ARHGAP36: variants seen among roughly 807,000 people sequenced by gnomAD.
ARHGAP36 encodes the protein rho GTPase-activating protein 36.
Under a neutral mutation model 32.9 loss-of-function variants are expected in ARHGAP36, and 7 were observed. The observed-to-expected ratio is 0.21, with a 90% CI of 0.12 to 0.40. The LOEUF is 0.40. ARHGAP36 is among the 10% of genes least tolerant of loss of function. The pLI is 1.00. For synonymous variants in ARHGAP36, 165 were observed against 168.3 expected, an observed-to-expected ratio of 0.98 and a Z score of 0.15; for missense variants, 383 against 442.2, an observed-to-expected ratio of 0.87 and a Z score of 1.20.
Position 131,085,904 on chromosome X carries a change from T to C in ARHGAP36, c.1105-9T>C, listed in dbSNP as rs375462552. 119 of 1,208,182 alleles carry C rather than the reference T, an allele frequency of 9.8e-5. No individual in the cohort carries two copies. The highest frequency in any genetic ancestry group is 1.3e-4 in the Non-Finnish European group (115 of 894,160). ...CAGCGTCAATCACTTTCTGCTTTCC[T>C]TTGCCTAGGTCCCAGGCAACCGTAT... On this transcript the variant is annotated splice_polypyrimidine_tract_variant and intron_variant, in intron 8 of 11. Transcript: ENST00000276211.
At chrX:131,075,477 T>A (rs772287021) in intron 1 of ARHGAP36, among the ~76,000 whole-genome samples, 1 of 110,230 alleles carries the variant, frequency 9.1e-6, no homozygotes, top group East Asian at 2.9e-4. Context: ...GGGCTTTTGG[T>A]GTCTTTCTCC....
At chrX:131,075,558 T>C (rs971048038) in intron 1 of ARHGAP36, among the ~76,000 whole-genome samples, 2 of 108,307 alleles carry the variant, frequency 1.8e-5, no homozygotes, top group Admixed American at 2.0e-4. Context: ...ACTCTTCCTG[T>C]AAATATATAT....
Position 131,081,845 on chromosome X carries a change from T to C in ARHGAP36, c.180T>C (p.Arg60=). The C allele has an allele frequency of 4.1e-6, 5 of 1,211,925 alleles. No individual in the cohort carries two copies. Among genetic ancestry groups the C allele is most frequent in the Non-Finnish European group, 4.5e-6 (4 of 895,571 alleles). ...VSIHSLSELE[R]LKLQETAYHE... ...TACACAGCCTCTCTGAGCTGGAGCG[T>C]CTGAAGCTGCAAGAGACTGCTTACC... is the stretch of plus-strand genomic sequence containing the variant. The change falls in exon 2 of 12, where the codon CGT becomes CGC. Residue 60 remains arginine, a synonymous_variant. Coordinates refer to ENST00000276211, the MANE Select transcript of ARHGAP36 (RefSeq NM_144967.4).
rs1169664619 is a variant in ARHGAP36 at position 131,084,672 on chromosome X, A to G, written c.795A>G (p.Arg265=). The change falls in exon 6 of 12, where the codon CGA becomes CGG. Residue 265 remains arginine (R), a synonymous_variant. Transcript: ENST00000276211. ...GIFTLEYSVQ[R]VRQLREEFDQ... is the part of the protein sequence containing the mutation. ...TTACCCTTGAATACTCCGTGCAGCG[A>G]GTGCGTCAGGTAAATTGGCTATGTT... 2 of 1,210,461 alleles carry G rather than the reference A, an allele frequency of 1.7e-6. No homozygotes were observed. Among genetic ancestry groups the G allele is most frequent in the Non-Finnish European group, 2.2e-6 (2 of 895,292 alleles).
At chrX:131,086,235 C>A in intron 9 of ARHGAP36, 94 bp from the exon 10 acceptor site, 2 of 1,102,675 alleles carry the variant, frequency 1.8e-6, no homozygotes, top group Non-Finnish European at 2.5e-6. Context: ...CATTAGCTGG[C>A]CCTGGTACCT....
Position 131,086,457 on chromosome X carries a change from G to A in ARHGAP36, c.1379+31G>A, listed in dbSNP as rs559737521. ...TGTTTTTTGGGTTTGTTTATGCTTA[G>A]CCTGAAGTACCTCCTCCTATGGGGT... On this transcript the variant is annotated intron_variant, in intron 10 of 11. Transcript: ENST00000276211. 1.2e-5 allele frequency: 14 copies of A among 1,201,101 alleles called. No individual in the cohort carries two copies. In the South Asian group the frequency reaches 2.5e-4, roughly 21 times the overall value.
Position 131,058,409 on chromosome X carries a change from T to C in ARHGAP36, c.-178T>C. The C allele has an allele frequency of 1.8e-6, 2 of 1,107,279 alleles. No homozygotes were observed. Among genetic ancestry groups the C allele is most frequent in the Non-Finnish European group, 2.4e-6 (2 of 842,025 alleles). The allele number at this position is 1,107,279 out of a possible 1,213,427, so 91.3% of individuals were successfully genotyped here. ...GTCATGGCGTGGATACTGGACTGCCTTTTCGCCTCGGCCTTTGAGCCCCGC... is the reference window on the plus strand; with the variant it reads ...GTCATGGCGTGGATACTGGACTGCCCTTTCGCCTCGGCCTTTGAGCCCCGC... On this transcript the variant is annotated 5_prime_UTR_variant, in exon 1 of 12. Transcript: ENST00000276211.
At chrX:131,071,289 G>A (rs2079732372) in intron 1 of ARHGAP36, among the ~76,000 whole-genome samples, 1 of 111,052 alleles carries the variant, frequency 9.0e-6, no homozygotes, top group African/African-American at 3.3e-5. Context: ...TACTTACCTG[G>A]TGCTCTAGAA....
In ARHGAP36 at chrX:131,058,419, G is replaced by C. The variant is rs2079651614; in HGVS notation, c.-168G>C. ...GGATACTGGACTGCCTTTTCGCCTC[G>C]GCCTTTGAGCCCCGCCCCCGCCGTG... On this transcript the variant is annotated 5_prime_UTR_variant, in exon 1 of 12. Transcript: ENST00000276211. 5.5e-6 allele frequency: 6 copies of C among 1,097,916 alleles called. No individual in the cohort carries two copies. The highest frequency in any genetic ancestry group is 6.0e-6 in the Non-Finnish European group (5 of 836,907). The allele number at this position is 1,097,916 out of a possible 1,213,427, so 90.5% of individuals were successfully genotyped here. A position where few individuals can be genotyped will look rare whatever the true frequency, so the allele number is the denominator to read the frequency against.
chrX:131,061,812 C>T (rs893427866), intron 1 of ARHGAP36, among the ~76,000 whole-genome samples: 2 of 112,192 alleles, frequency 1.8e-5, no homozygotes, highest in African/African-American at 6.5e-5. Flanking sequence ...ATGTGATGCT[C>T]TAGAGCTTAG....
At chrX:131,077,173 G>A (rs2079766845) in intron 1 of ARHGAP36, among the ~76,000 whole-genome samples, 1 of 112,388 alleles carries the variant, frequency 8.9e-6, no homozygotes, top group Middle Eastern at 4.6e-3. Flanking sequence ...AAATGTTTTC[G>A]TATAGAGACC....
chrX:131,068,656 T>C (rs2079715147), intron 1 of ARHGAP36, among the ~76,000 whole-genome samples: 1 of 99,742 alleles, frequency 1.0e-5, no homozygotes, highest in Admixed American at 1.1e-4. Flanking sequence ...GACATGTGCT[T>C]CTCTCCCCGG....
rs1189836796 is a variant in ARHGAP36 at position 131,081,704 on chromosome X, A to T, written c.39A>T (p.Ala13=). The change falls in exon 2 of 12, where the codon GCA becomes GCT. Residue 13 remains alanine, a synonymous_variant. Transcript: ENST00000276211. ...TTCCTTTTCTGAAGGCAGCAAGGGC[A>T]CTGTGCCCCAGAATCATGCCCCCTT... ...GCIPFLKAAR[A]LCPRIMPPLL... 2.5e-6 allele frequency: 3 copies of T among 1,208,381 alleles called. No homozygotes were observed. The highest frequency in any genetic ancestry group is 3.4e-6 in the Non-Finnish European group (3 of 894,904).
intron 1 of ARHGAP36, among the ~76,000 whole-genome samples, chrX:131,073,877 T>C (rs1346563090): frequency 5.4e-5 from 6 of 111,424 alleles, no homozygotes; most frequent in Non-Finnish European, 1.1e-4. Context: ...CAGATATTGA[T>C]ATTTTTAAAA....
intron 1 of ARHGAP36, among the ~76,000 whole-genome samples, chrX:131,064,456 C>A (rs2079686583): frequency 8.9e-6 from 1 of 111,913 alleles, no homozygotes; most frequent in East Asian, 2.8e-4. Flanking sequence ...ATGGTTGAGA[C>A]ACTCTGGGCT....
chrX:131,076,952 A>G (rs1488153085), intron 1 of ARHGAP36, among the ~76,000 whole-genome samples: 1 of 112,364 alleles, frequency 8.9e-6, no homozygotes, highest in African/African-American at 3.2e-5. Context: ...TTCTGCTATA[A>G]CATGATGGGC....
intron 1 of ARHGAP36, among the ~76,000 whole-genome samples, chrX:131,062,820 G>A (rs933723079): frequency 9.0e-6 from 1 of 111,593 alleles, no homozygotes; most frequent in African/African-American, 3.3e-5. Flanking sequence ...TCTATTTTAA[G>A]GACAAAATCT....
rs369143720 is a variant in ARHGAP36 at position 131,079,462 on chromosome X, A to G, written c.-142-2062A>G. Among the ~76,000 whole-genome samples the G allele has an allele frequency of 2.8e-4, 31 of 111,659 alleles. 1 individual carries two copies. The East Asian group carries it at 5.1e-3, about 18-fold the overall frequency. ...TTCTCTTACTGCACCTATTTCTGACATCTGTGATCCTGGCTACTAAGGGAA... is the reference window on the plus strand; with the variant it reads ...TTCTCTTACTGCACCTATTTCTGACGTCTGTGATCCTGGCTACTAAGGGAA... On this transcript the variant is annotated intron_variant, in intron 1 of 11. Transcript: ENST00000276211.
In ARHGAP36 at chrX:131,089,699, G is replaced by C. The variant is rs1007742060; in HGVS notation, c.*914G>C. ...TAACACACAGATATGGGTTGCATATGATCCAGAATTACAGCTGATATTATG... is the reference window on the plus strand; with the variant it reads ...TAACACACAGATATGGGTTGCATATCATCCAGAATTACAGCTGATATTATG... On this transcript the variant is annotated 3_prime_UTR_variant, in exon 12 of 12. Transcript: ENST00000276211. 1 of 112,660 alleles carries C rather than the reference G, an allele frequency of 8.9e-6. No homozygotes were observed. The allele number at this position is 112,660 out of a possible 1,213,427, so 9.3% of individuals were successfully genotyped here. A position where few individuals can be genotyped will look rare whatever the true frequency, so the allele number is the denominator to read the frequency against.
Sources: gnomAD v4.1 joint callset for allele counts (sites outside exome capture counted in the v4.1 genomes callset) on GRCh38, gnomAD v4.1.1 for gene constraint, MANE v1.5 for transcripts, NCBI Gene and HGNC (gene_info 2026-07-23, HGNC 2026-07-21) for gene names.